ANAPC1: variants seen among roughly 807,000 people sequenced by gnomAD.
The protein encoded by ANAPC1 is anaphase-promoting complex subunit 1.
A neutral mutation model predicts 208.0 loss-of-function variants in ANAPC1; 36 were observed. The observed-to-expected ratio is 0.17, with a 90% CI of 0.13 to 0.23. The LOEUF (loss-of-function observed/expected upper bound fraction) is 0.23. ANAPC1 is among the 10% of genes least tolerant of loss of function. ANAPC1 has a pLI of 1.00. For synonymous variants in ANAPC1, 378 were observed against 695.2 expected (o/e 0.54, Z 7.18); for missense variants, 942 against 2,011.6 (o/e 0.47, Z 10.17).
chr2:111,843,385 A>T, intron 17 of ANAPC1, 27 bp downstream of exon 17: 2 of 1,610,568 alleles, frequency 1.2e-6, no homozygotes, highest in South Asian at 2.2e-5. Flanking sequence ...AGAATAACTC[A>T]TAAAGAAAAC....
chr2:111,841,496 T>A (rs1329713743), intron 17 of ANAPC1, among the ~76,000 whole-genome samples: 1 of 148,152 alleles, frequency 6.7e-6, no homozygotes, highest in African/African-American at 2.5e-5. Flanking sequence ...GAAAGCATTC[T>A]CCATAGAGGT....
intron 10 of ANAPC1, among the ~76,000 whole-genome samples, chr2:111,860,690 A>C (rs1682011668): frequency 6.6e-6 from 1 of 150,906 alleles, no homozygotes. Flanking sequence ...CTCCCATCTG[A>C]CCTCTTTTGC....
rs1474589976 is a variant in ANAPC1 at position 111,778,737 on chromosome 2, G to A, written c.5323C>T (p.Leu1775Phe). The change falls in exon 45 of 48, where the codon CTC becomes TTC. Residue 1775 changes from leucine (L) to phenylalanine (F), a missense_variant. Physicochemically the swap from Leu to Phe is conservative, Grantham distance 22. Coordinates refer to ENST00000341068, the MANE Select transcript of ANAPC1 (RefSeq NM_022662.4). ...GTCTCCTGGGTAACACATTCATAGA[G>A]TACTGAAGAAAAGAGATCCAGAATT... ...QEILDLFSSV[L>F]YECVTQETPE... 1 of 1,606,452 alleles carries A rather than the reference G, an allele frequency of 6.2e-7. No individual in the cohort carries two copies. Among genetic ancestry groups the A allele is most frequent in the Admixed American group, 1.7e-5 (1 of 58,096 alleles).
At chr2:111,853,951 C>A (rs1472192961) in intron 13 of ANAPC1, among the ~76,000 whole-genome samples, 1 of 152,162 alleles carries the variant, frequency 6.6e-6, no homozygotes, top group East Asian at 1.9e-4. Flanking sequence ...CTCCTGACCT[C>A]ATGATCCACC....
chr2:111,871,944 T>C (rs1239288338), intron 6 of ANAPC1, among the ~76,000 whole-genome samples: 6 of 152,196 alleles, frequency 3.9e-5, no homozygotes, highest in Admixed American at 2.6e-4. Flanking sequence ...CAAATAGTGA[T>C]AGTATGACTT....
At chr2:111,819,025 T>C (rs1212607604) in intron 26 of ANAPC1, 67 bp from the exon 27 acceptor site, 1 of 1,582,450 alleles carries the variant, frequency 6.3e-7, no homozygotes, top group Non-Finnish European at 8.6e-7. Context: ...ATATCATCTG[T>C]AAGTATTTCA....
intron 7 of ANAPC1, among the ~76,000 whole-genome samples, chr2:111,866,678 C>G (rs546297641): frequency 6.7e-6 from 1 of 148,832 alleles, no homozygotes; most frequent in Non-Finnish European, 1.5e-5. Flanking sequence ...GAGCCGAGAT[C>G]GTGCCATTGC....
chr2:111,831,814 G>A (rs779462805), intron 20 of ANAPC1, among the ~76,000 whole-genome samples: 23 of 102,198 alleles, frequency 2.3e-4, no homozygotes, highest in East Asian at 5.2e-4. Context: ...GAGACAGAGC[G>A]AGACTCTGTC....
At chr2:111,861,364 T>C (rs892882736) in intron 10 of ANAPC1, among the ~76,000 whole-genome samples, 3 of 152,188 alleles carry the variant, frequency 2.0e-5, no homozygotes, top group Admixed American at 6.5e-5. Flanking sequence ...TGTGAGCCAC[T>C]GCGCCTAGGA....
At position 111,868,008 on chromosome 2, in the gene ANAPC1, T is replaced by C. The variant is rs767290757; in HGVS notation, c.685+15A>G. On this transcript the variant is annotated intron_variant, in intron 7 of 47. Coordinates refer to ENST00000341068, the MANE Select transcript of ANAPC1 (RefSeq NM_022662.4). Reference sequence around the variant, plus strand: ...AAAAAAGAGCTTATCTAAAAGAATATAGAAATACACTTACTTCCAGATTTA... The same window carrying C: ...AAAAAAGAGCTTATCTAAAAGAATACAGAAATACACTTACTTCCAGATTTA... 8 of 1,549,788 alleles carry C rather than the reference T, an allele frequency of 5.2e-6. No individual in the cohort carries two copies. The highest frequency in any genetic ancestry group is 1.4e-5 in the African/African-American group (1 of 72,352).
intron 29 of ANAPC1, 132 bp downstream of exon 29, chr2:111,808,815 T>C: frequency 7.7e-7 from 1 of 1,301,578 alleles, no homozygotes; most frequent in Non-Finnish European, 1.1e-6. Flanking sequence ...TAATTAGTAC[T>C]AGATCATTCT....
intron 43 of ANAPC1, among the ~76,000 whole-genome samples, chr2:111,781,650 C>T (rs1427640033): frequency 6.6e-6 from 1 of 152,280 alleles, no homozygotes; most frequent in Non-Finnish European, 1.5e-5. Flanking sequence ...CTTTAGACTA[C>T]TCTACTTTGT....
chr2:111,847,950 A>G (rs1413271897), intron 14 of ANAPC1, 85 bp from the exon 15 acceptor site: 2 of 1,175,538 alleles, frequency 1.7e-6, no homozygotes, highest in Non-Finnish European at 2.4e-6. Flanking sequence ...TTTTTTGCAT[A>G]TGGTCTAACA....
chr2:111,847,066 T>C, intron 16 of ANAPC1, 72 bp downstream of exon 16: 4 of 1,293,988 alleles, frequency 3.1e-6, no homozygotes, highest in East Asian at 4.7e-5. Context: ...GGCAAAATAA[T>C]GTTTAAAACC....
At chr2:111,777,363 T>C (rs1427491937) in intron 45 of ANAPC1, among the ~76,000 whole-genome samples, 5 of 152,156 alleles carry the variant, frequency 3.3e-5, no homozygotes, top group Non-Finnish European at 7.3e-5. Context: ...CAGTCACCTC[T>C]GGGAAACTCG....
intron 24 of ANAPC1, among the ~76,000 whole-genome samples, chr2:111,824,240 CA>C (rs1180333720): frequency 0.062 from 4,407 of 71,302 alleles, 164 homozygotes; most frequent in African/African-American, 0.16. Flanking sequence ...AGGTAAAATG[CA>C]AAAAAAAAAA....
intron 21 of ANAPC1, 50 bp downstream of exon 21, chr2:111,831,236 C>T (rs1427820109): frequency 6.5e-7 from 1 of 1,541,476 alleles, no homozygotes; most frequent in Non-Finnish European, 8.7e-7. Flanking sequence ...CTTTTTAAAA[C>T]TAAATTTTAA....
At chr2:111,872,868 T>C (rs964765681) in intron 5 of ANAPC1, 156 bp from the exon 6 acceptor site, 42 of 606,040 alleles carry the variant, frequency 6.9e-5, no homozygotes, top group Admixed American at 3.8e-4. Context: ...TAAAAAGTAA[T>C]ACAAATAAGC....
intron 39 of ANAPC1, among the ~76,000 whole-genome samples, chr2:111,787,690 C>CT (rs1244126635): frequency 6.6e-6 from 1 of 151,906 alleles, no homozygotes; most frequent in African/African-American, 2.4e-5. Context: ...AAACACAGAG[C>CT]TTTTAACTGC....
Sources: gnomAD v4.1 joint callset for allele counts (sites outside exome capture counted in the v4.1 genomes callset) on GRCh38, gnomAD v4.1.1 for gene constraint, MANE v1.5 for transcripts, NCBI Gene and HGNC (gene_info 2026-07-23, HGNC 2026-07-21) for gene names.